Variants in USP45 observed in about 807,000 individuals in gnomAD.
USP45 encodes the protein ubiquitin carboxyl-terminal hydrolase 45.
Under a neutral mutation model 95.8 loss-of-function variants are expected in USP45, and 89 were observed. The observed-to-expected ratio is 0.93, with a 90% CI of 0.78 to 1.11. The LOEUF (loss-of-function observed/expected upper bound fraction) is 1.11, where lower values mean the gene tolerates loss of function less well. Ranked by LOEUF, USP45 falls within the 50% of genes least tolerant of loss-of-function variation. USP45 has a pLI of 0.00. For missense variants in USP45, 898 were observed against 942.5 expected, an observed-to-expected ratio of 0.95 and a Z score of 0.62; for synonymous variants, 281 against 316.2, an observed-to-expected ratio of 0.89 and a Z score of 1.18.
At chr6:99,461,798 T>TA (rs1478405482) in intron 13 of USP45, 2 of 982,474 alleles carry the variant, frequency 2.0e-6, no homozygotes, top group African/African-American at 3.5e-5. Flanking sequence ...TGTAAGAGAT[T>TA]AAAAAATACT....
At chr6:99,505,955 T>G (rs1376854812) in intron 4 of USP45, among the ~76,000 whole-genome samples, 3 of 152,210 alleles carry the variant, frequency 2.0e-5, no homozygotes, top group African/African-American at 7.2e-5. Context: ...ACCATTGCTG[T>G]CTCCATTGGT....
At chr6:99,483,787 G>A (rs1403189712) in intron 7 of USP45, among the ~76,000 whole-genome samples, 4 of 128,244 alleles carry the variant, frequency 3.1e-5, no homozygotes, top group Admixed American at 1.7e-4. Context: ...GCAGTGAGCC[G>A]AGATTGCGCC....
chr6:99,476,098 T>C lies in USP45; in HGVS notation c.933+45A>G, dbSNP rs756896835. On this transcript the variant is annotated intron_variant, in intron 9 of 17. Transcript: ENST00000500704. Reference sequence around the variant, plus strand: ...CCCCCAATAATCCCTTAGTTTTGTATCCTCTTCTTGAAGAGAATACATGAT... The same window carrying C: ...CCCCCAATAATCCCTTAGTTTTGTACCCTCTTCTTGAAGAGAATACATGAT... The C allele has an allele frequency of 5.1e-6, 8 of 1,572,320 alleles. No homozygotes were observed. In the East Asian group the frequency reaches 9.0e-5, roughly 18 times the overall value.
At chr6:99,439,888 C>T (rs778078385) in intron 15 of USP45, 33 bp from the exon 16 acceptor site, 2 of 1,526,770 alleles carry the variant, frequency 1.3e-6, no homozygotes, top group Non-Finnish European at 1.8e-6. Flanking sequence ...TGAAATGCAA[C>T]AATTAGAAAT....
intron 1 of USP45, among the ~76,000 whole-genome samples, chr6:99,513,705 A>G (rs1426472097): frequency 6.6e-6 from 1 of 152,236 alleles, no homozygotes. Flanking sequence ...GGTAATGTAG[A>G]GGCAATTTCT....
intron 9 of USP45, among the ~76,000 whole-genome samples, chr6:99,472,590 GA>G (rs538425966): frequency 2.6e-5 from 4 of 151,730 alleles, no homozygotes; most frequent in African/African-American, 9.7e-5. Flanking sequence ...AAATCATGGG[GA>G]AAAAAATAAT....
chr6:99,462,424 TAAATAA>T, intron 13 of USP45: 2 of 983,876 alleles, frequency 2.0e-6, no homozygotes, highest in Non-Finnish European at 2.4e-6. Context: ...CTCTTTAAAC[TAAATAA>T]AAATAAAGAA....
chr6:99,464,114 C>T (rs896140807), intron 13 of USP45, among the ~76,000 whole-genome samples: 3 of 152,006 alleles, frequency 2.0e-5, no homozygotes, highest in African/African-American at 7.3e-5. Flanking sequence ...CGAGACCAGC[C>T]TGACCAACAT....
chr6:99,488,955 T>C, intron 5 of USP45, 135 bp from the exon 6 acceptor site: 1 of 653,998 alleles, frequency 1.5e-6, no homozygotes, highest in Non-Finnish European at 2.3e-6. Context: ...AGGGGAAGAA[T>C]ATAAACACAA....
intron 7 of USP45, among the ~76,000 whole-genome samples, chr6:99,483,569 T>C (rs1411381444): frequency 6.6e-6 from 1 of 152,128 alleles, no homozygotes; most frequent in Non-Finnish European, 1.5e-5. Context: ...CCGGGCGCGG[T>C]GGCTCACGCC....
Position 99,476,249 on chromosome 6 carries a change from A to G in USP45, c.846-19T>C, listed in dbSNP as rs1233042221. On this transcript the variant is annotated intron_variant, in intron 8 of 17. Coordinates refer to ENST00000500704, the MANE Select transcript of USP45 (RefSeq NM_001346022.3). ...AGGTGCCCTGTGATTTAAAAACAAAAGAGGAAAGAAAAAAAGAATAATCAT... is the reference window on the plus strand; with the variant it reads ...AGGTGCCCTGTGATTTAAAAACAAAGGAGGAAAGAAAAAAAGAATAATCAT... 3.1e-6 allele frequency: 5 copies of G among 1,605,890 alleles called. No individual in the cohort carries two copies. Among genetic ancestry groups the G allele is most frequent in the Non-Finnish European group, 4.3e-6 (5 of 1,173,050 alleles).
chr6:99,516,723 ACTT>A (rs144825305), upstream of USP45, among the ~76,000 whole-genome samples: 2,312 of 152,308 alleles, frequency 0.015, 51 homozygotes, highest in African/African-American at 0.05. Flanking sequence ...AAAATTGTCT[ACTT>A]CATAAATCAA....
At chr6:99,454,109 G>A (rs570000187) in intron 13 of USP45, among the ~76,000 whole-genome samples, 96 of 152,210 alleles carry the variant, frequency 6.3e-4, no homozygotes, top group Middle Eastern at 3.4e-3. Context: ...GTATGGTCAT[G>A]GTATAAAAAC....
At chr6:99,456,220 T>G (rs35535366) in intron 13 of USP45, among the ~76,000 whole-genome samples, 21,959 of 148,212 alleles carry the variant, frequency 0.15, 2,312 homozygotes, top group Non-Finnish European at 0.21. Flanking sequence ...GTGAGTGGGG[T>G]TGTAGTGGAG....
At chr6:99,491,382 G>A (rs1376849194) in intron 5 of USP45, among the ~76,000 whole-genome samples, 1 of 152,204 alleles carries the variant, frequency 6.6e-6, no homozygotes, top group Non-Finnish European at 1.5e-5. Flanking sequence ...TCTGCTTCTT[G>A]TTTATATCTG....
intron 4 of USP45, among the ~76,000 whole-genome samples, chr6:99,505,607 CT>C (rs1798336375): frequency 1.4e-5 from 2 of 142,342 alleles, no homozygotes; most frequent in Non-Finnish European, 3.0e-5. Context: ...CGCCACTGCA[CT>C]CCAGCCTGGG....
chr6:99,485,215 C>T (rs79526510), intron 7 of USP45, among the ~76,000 whole-genome samples: 2 of 149,474 alleles, frequency 1.3e-5, no homozygotes, highest in Non-Finnish European at 3.0e-5. Flanking sequence ...TGTGGTGGCA[C>T]GCATCTACAG....
chr6:99,516,949 A>C (rs1009799904), upstream of USP45, among the ~76,000 whole-genome samples: 2 of 152,208 alleles, frequency 1.3e-5, no homozygotes, highest in Admixed American at 6.5e-5. Flanking sequence ...TAAGAAAAAA[A>C]TTAGAAATTA....
chr6:99,513,993 C>T (rs1258664519), intron 1 of USP45, among the ~76,000 whole-genome samples: 1 of 152,132 alleles, frequency 6.6e-6, no homozygotes, highest in Non-Finnish European at 1.5e-5. Flanking sequence ...AAGCCCAGTA[C>T]CACTAGGAAA....
Sources: gnomAD v4.1 joint callset for allele counts (sites outside exome capture counted in the v4.1 genomes callset) on GRCh38, gnomAD v4.1.1 for gene constraint, MANE v1.5 for transcripts, NCBI Gene and HGNC (gene_info 2026-07-23, HGNC 2026-07-21) for gene names.